The following NAF1 variants were observed in gnomAD, a reference collection of about 807,000 sequenced individuals.
NAF1 encodes H/ACA ribonucleoprotein complex non-core subunit NAF1.
A neutral mutation model predicts 40.6 loss-of-function variants in NAF1; 11 were observed. The observed-to-expected ratio is 0.27, with a 90% CI of 0.17 to 0.45. The LOEUF is 0.45. Ranked by LOEUF, NAF1 falls within the 20% of genes least tolerant of loss-of-function variation. The pLI, the probability that NAF1 is intolerant of heterozygous loss-of-function variation, is 1.00. For synonymous variants in NAF1, 260 were observed against 228.5 expected, an observed-to-expected ratio of 1.14 and a Z score of -1.24; for missense variants, 607 against 611.1, an observed-to-expected ratio of 0.99 and a Z score of 0.07.
chr4:163,166,216 A>T, intron 1 of NAF1, 147 bp downstream of exon 1: 2 of 1,010,572 alleles, frequency 2.0e-6, no homozygotes, highest in Non-Finnish European at 2.8e-6. Flanking sequence ...AGTCGGAGCC[A>T]ATACTTCAAC....
Position 163,140,307 on chromosome 4 carries a change from T to G in NAF1, c.794A>C (p.Lys265Thr). 1 of 1,609,056 alleles carries G rather than the reference T, an allele frequency of 6.2e-7. No homozygotes were observed. The highest frequency in any genetic ancestry group is 8.5e-7 in the Non-Finnish European group (1 of 1,177,536). ...RFNSSDHIES[K>T]GIKIKETMYF... ...CATAGTCTCCTTTATTTTAATACCT[T>G]TACTCTCAATGTGATCTGAAGAATT... The change falls in exon 5 of 8, where the codon AAA becomes ACA. Residue 265 changes from lysine (K) to threonine (T), a missense_variant. Coordinates refer to ENST00000274054, the MANE Select transcript of NAF1 (RefSeq NM_138386.3).
chr4:163,115,439 A>G (rs1052503671), intron 2 of NAF1, among the ~76,000 whole-genome samples: 1 of 151,594 alleles, frequency 6.6e-6, no homozygotes, highest in South Asian at 2.1e-4. Flanking sequence ...CTCGTGATCC[A>G]CCCGCCTCGG....
Position 163,148,392 on chromosome 4 carries a change from C to G in NAF1, c.583G>C (p.Asp195His), listed in dbSNP as rs1189134040. 6.3e-7 allele frequency: 1 copy of G among 1,584,138 alleles called. No homozygotes were observed. Among genetic ancestry groups the G allele is most frequent in the East Asian group, 2.3e-5 (1 of 43,694 alleles). The change falls in exon 3 of 8, where the codon GAT (aspartate) becomes CAT (histidine). Residue 195 changes from aspartate (D) to histidine (H), a missense_variant. Transcript: ENST00000274054. The stretch of plus-strand genomic sequence containing the variant: ...ATCCCAAGAGGCTTTAACTCAATAT[C>G]TTCAGGCAGAATAATAGTGAGTTCT... ...VEELTIILPE[D>H]IELKPLGMVS...
intron 6 of NAF1, among the ~76,000 whole-genome samples, chr4:163,136,803 G>A (rs1474933949): frequency 6.6e-6 from 1 of 152,058 alleles, no homozygotes; most frequent in Non-Finnish European, 1.5e-5. Context: ...CCAAAAGAAG[G>A]ACAGCTATTA....
chr4:163,150,421 A>G (rs1312806040), intron 2 of NAF1, among the ~76,000 whole-genome samples: 1 of 152,162 alleles, frequency 6.6e-6, no homozygotes, highest in Non-Finnish European at 1.5e-5. Context: ...TACTATGCAG[A>G]TATAAACTTT....
chr4:163,154,849 C>T (rs778281947), intron 2 of NAF1, among the ~76,000 whole-genome samples: 5 of 149,226 alleles, frequency 3.4e-5, no homozygotes, highest in African/African-American at 4.9e-5. Context: ...CCAGCCTGGG[C>T]GACAGAGCAA....
chr4:163,163,694 T>C (rs866383790), intron 2 of NAF1, among the ~76,000 whole-genome samples: 1 of 150,954 alleles, frequency 6.6e-6, no homozygotes, highest in Admixed American at 6.6e-5. Flanking sequence ...ACAAGTTTTC[T>C]CCAACTGTAA....
At chr4:163,165,255 C>T (rs981531733) in intron 1 of NAF1, among the ~76,000 whole-genome samples, 2 of 152,184 alleles carry the variant, frequency 1.3e-5, no homozygotes, top group Admixed American at 1.3e-4. Flanking sequence ...TTTGATTTCA[C>T]TGCTGTTAAC....
intron 2 of NAF1, among the ~76,000 whole-genome samples, chr4:163,154,089 G>C (rs1258053513): frequency 6.6e-6 from 1 of 151,564 alleles, no homozygotes; most frequent in Non-Finnish European, 1.5e-5. Flanking sequence ...AAGAAACTCC[G>C]AACACATCTG....
chr4:163,128,954 T>TGGTGGA lies in NAF1; in HGVS notation c.1422_1427dup (p.Pro475_Pro476dup), dbSNP rs1345403694. 1 of 575,132 alleles carries TGGTGGA rather than the reference T, an allele frequency of 1.7e-6. No individual in the cohort carries two copies. The highest frequency in any genetic ancestry group is 2.7e-5 in the Admixed American group (1 of 37,544). The allele number at this position is 575,132 out of a possible 1,614,324, so 35.6% of individuals were successfully genotyped here. On this transcript the variant is annotated inframe_insertion, in exon 8 of 8. Transcript: ENST00000274054. ...CTCCAGAAGAGGGTGGAGGAGGCAG[T>TGGTGGA]GGTGGAGGGGGAGGGGGTGGGGGTA...
chr4:163,124,623 A>G (rs1026108845), downstream of NAF1, among the ~76,000 whole-genome samples: 1 of 152,204 alleles, frequency 6.6e-6, no homozygotes, highest in African/African-American at 2.4e-5. Context: ...TTTTCGATCC[A>G]CAATTGGTTG....
At chr4:163,128,655 G>A, downstream of NAF1, 1 of 941,106 alleles carries the variant, frequency 1.1e-6, no homozygotes, top group Non-Finnish European at 1.3e-6. Context: ...GAGGGAGAAG[G>A]CATGAATTCA....
downstream of NAF1, among the ~76,000 whole-genome samples, chr4:163,106,939 G>A (rs17471377): frequency 0.067 from 10,201 of 151,686 alleles, 406 homozygotes; most frequent in Non-Finnish European, 0.09. Flanking sequence ...TACATTTCAG[G>A]GTTATTTCTC....
intron 6 of NAF1, chr4:163,133,651 C>G (rs1345889969): frequency 3.0e-5 from 5 of 167,510 alleles, no homozygotes; most frequent in Non-Finnish European, 6.5e-5. Flanking sequence ...AATACACACC[C>G]AAGCACTGTT....
Position 163,128,685 on chromosome 4 carries a change from C to T in NAF1, c.*212G>A. 2.0e-5 allele frequency: 21 copies of T among 1,070,452 alleles called. No individual in the cohort carries two copies. The highest frequency in any genetic ancestry group is 2.4e-5 in the Non-Finnish European group (21 of 858,258). The allele number at this position is 1,070,452 out of a possible 1,614,324, so 66.3% of individuals were successfully genotyped here. ...AATTCAAAATTTTAATTAAATATTA[C>T]ATAATTTAATGTTCTCCCAAGAATT... is the stretch of plus-strand genomic sequence containing the variant. On this transcript the variant is annotated 3_prime_UTR_variant, in exon 8 of 8. Coordinates refer to ENST00000274054, the MANE Select transcript of NAF1 (RefSeq NM_138386.3).
intron 3 of NAF1, among the ~76,000 whole-genome samples, chr4:163,146,431 GTTC>G (rs1279035238): frequency 6.6e-6 from 1 of 152,068 alleles, no homozygotes; most frequent in African/African-American, 2.4e-5. Flanking sequence ...CAAATCTCCA[GTTC>G]TTTTAAATGA....
downstream of NAF1, among the ~76,000 whole-genome samples, chr4:163,125,098 G>A (rs1188175693): frequency 2.6e-5 from 4 of 152,192 alleles, no homozygotes; most frequent in African/African-American, 4.8e-5. Context: ...ACATGTGTAT[G>A]TTCTGACTGC....
At chr4:163,118,334 T>G (rs754671799) in intron 2 of NAF1, among the ~76,000 whole-genome samples, 9 of 152,194 alleles carry the variant, frequency 5.9e-5, no homozygotes, top group Non-Finnish European at 1.2e-4. Context: ...AGACAATACT[T>G]AAACAGAAAA....
chr4:163,158,854 A>G (rs1264609960), intron 2 of NAF1, among the ~76,000 whole-genome samples: 1 of 152,048 alleles, frequency 6.6e-6, no homozygotes, highest in African/African-American at 2.4e-5. Context: ...TATTAGCCTA[A>G]ATTTTTCAGA....
Sources: allele counts gnomAD v4.1 joint callset (sites outside exome capture counted in the v4.1 genomes callset), GRCh38; gene constraint gnomAD v4.1.1; transcripts MANE v1.5; gene names NCBI Gene and HGNC (gene_info 2026-07-23, HGNC 2026-07-21).